Variants in ADAMTS17 observed in about 807,000 individuals in gnomAD.
ADAMTS17 encodes A disintegrin and metalloproteinase with thrombospondin motifs 17.
In ADAMTS17, 113 loss-of-function variants were observed where a neutral mutation model predicts 141.5. The observed-to-expected ratio is 0.80, with a 90% CI of 0.69 to 0.93. The LOEUF (loss-of-function observed/expected upper bound fraction) is 0.93, where lower values mean the gene tolerates loss of function less well. ADAMTS17 is among the 40% of genes least tolerant of loss of function. ADAMTS17 has a pLI of 0.00. For synonymous variants in ADAMTS17, 768 were observed against 630.6 expected, an observed-to-expected ratio of 1.22 and a Z score of -3.27; for missense variants, 1,659 against 1,517.9, an observed-to-expected ratio of 1.09 and a Z score of -1.54.
intron 8 of ADAMTS17, among the ~76,000 whole-genome samples, chr15:100,190,866 G>C (rs949264207): frequency 2.6e-5 from 4 of 152,242 alleles, no homozygotes; most frequent in African/African-American, 9.6e-5. Context: ...ACAGGGCTCA[G>C]CGCTGGCCCT....
At chr15:100,214,188 C>T (rs931592438) in intron 7 of ADAMTS17, among the ~76,000 whole-genome samples, 31 of 152,170 alleles carry the variant, frequency 2.0e-4, no homozygotes, top group Non-Finnish European at 4.4e-5. Flanking sequence ...ACCGTCTCCC[C>T]CTTCAGCCAT....
chr15:100,154,989 C>G (rs1422691001), intron 9 of ADAMTS17, among the ~76,000 whole-genome samples, 191 bp downstream of exon 9: 1 of 152,256 alleles, frequency 6.6e-6, no homozygotes, highest in African/African-American at 2.4e-5. Flanking sequence ...GCGCCCATCG[C>G]TGGAGCAGAT....
At chr15:100,083,037 T>G (rs944241395) in intron 15 of ADAMTS17, among the ~76,000 whole-genome samples, 2 of 152,228 alleles carry the variant, frequency 1.3e-5, no homozygotes, top group African/African-American at 4.8e-5. Flanking sequence ...TTTCCAAGTC[T>G]TTCTCTGGAA....
intron 7 of ADAMTS17, among the ~76,000 whole-genome samples, chr15:100,232,437 G>C (rs2042513143): frequency 1.3e-5 from 2 of 152,378 alleles, no homozygotes; most frequent in South Asian, 4.1e-4. Context: ...GCCAGACATG[G>C]AATGAACACT....
intron 18 of ADAMTS17, among the ~76,000 whole-genome samples, chr15:100,015,849 G>A (rs1024479410): frequency 3.3e-5 from 5 of 152,184 alleles, no homozygotes; most frequent in Admixed American, 1.3e-4. Context: ...GTGCCTAAGT[G>A]ATGATCTTTT....
intron 18 of ADAMTS17, among the ~76,000 whole-genome samples, chr15:100,034,325 A>T (rs1468898786): frequency 6.6e-6 from 1 of 152,234 alleles, no homozygotes; most frequent in Non-Finnish European, 1.5e-5. Flanking sequence ...CCTACCTGAC[A>T]TGCCCACGGA....
intron 18 of ADAMTS17, among the ~76,000 whole-genome samples, chr15:100,010,517 A>G (rs2573660): frequency 0.37 from 56,530 of 152,110 alleles, 15,149 homozygotes; most frequent in African/African-American, 0.75. Context: ...CTGCGAGCCT[A>G]TGGGTGAGAG....
chr15:100,165,728 T>G (rs1247964356), intron 8 of ADAMTS17, among the ~76,000 whole-genome samples: 1 of 152,158 alleles, frequency 6.6e-6, no homozygotes, highest in East Asian at 1.9e-4. Flanking sequence ...TTTAGAATGA[T>G]GCCATAATGA....
At chr15:100,335,540 G>A (rs1005759159) in intron 2 of ADAMTS17, among the ~76,000 whole-genome samples, 1 of 152,218 alleles carries the variant, frequency 6.6e-6, no homozygotes, top group African/African-American at 2.4e-5. Flanking sequence ...TTCTCTCTGA[G>A]CCTTGCTGGG....
intron 7 of ADAMTS17, among the ~76,000 whole-genome samples, chr15:100,244,539 G>A (rs542497378): frequency 1.6e-3 from 244 of 151,984 alleles, no homozygotes; most frequent in African/African-American, 5.4e-3. Context: ...TGGTGATAGC[G>A]AATAAGTCTC....
intron 3 of ADAMTS17, among the ~76,000 whole-genome samples, chr15:100,283,280 T>G (rs1030769376): frequency 2.0e-5 from 3 of 152,194 alleles, no homozygotes; most frequent in Non-Finnish European, 2.9e-5. Context: ...AAGCATCCAT[T>G]CTAACACAAA....
At chr15:100,231,546 C>T (rs1203360160) in intron 7 of ADAMTS17, among the ~76,000 whole-genome samples, 1 of 152,210 alleles carries the variant, frequency 6.6e-6, no homozygotes, top group Non-Finnish European at 1.5e-5. Context: ...TCCTTCTCCA[C>T]TGACCGCCTG....
rs1235000970 is a variant in ADAMTS17 at position 100,184,541 on chromosome 15, A to G, written c.1181+14777T>C. Among the ~76,000 whole-genome samples, 4 of 152,292 alleles carry G rather than the reference A, an allele frequency of 2.6e-5. No individual in the cohort carries two copies. In the East Asian group the frequency reaches 5.8e-4, roughly 22 times the overall value. On this transcript the variant is annotated intron_variant, in intron 8 of 21. Coordinates refer to ENST00000268070, the MANE Select transcript of ADAMTS17 (RefSeq NM_139057.4). ...GTGTCCCCATTATACAGACGAGGACACTGGGGCACATGGAGGGTAAATGAT... is the reference window on the plus strand; with the variant it reads ...GTGTCCCCATTATACAGACGAGGACGCTGGGGCACATGGAGGGTAAATGAT...
chr15:100,183,822 T>C (rs76967913), intron 8 of ADAMTS17, among the ~76,000 whole-genome samples: 5,202 of 152,276 alleles, frequency 0.034, 172 homozygotes, highest in East Asian at 0.18. Flanking sequence ...TTAATTCCAA[T>C]GACAGTTTAG....
Position 100,096,492 on chromosome 15 carries a change from G to A in ADAMTS17, c.2017-16C>T, listed in dbSNP as rs752000914. On this transcript the variant is annotated splice_polypyrimidine_tract_variant and intron_variant, in intron 14 of 21. Transcript: ENST00000268070. ...AGCCGATTTTCTAAAGAACCAGAGG[G>A]CCTCATTATTCTGTGGTTAAGACTC... is the stretch of plus-strand genomic sequence containing the variant. 8.1e-6 allele frequency: 13 copies of A among 1,613,988 alleles called. No individual in the cohort carries two copies. Among genetic ancestry groups the A allele is most frequent in the Middle Eastern group, 1.6e-4 (1 of 6,062 alleles).
chr15:100,297,149 G>C (rs994758939), intron 3 of ADAMTS17, among the ~76,000 whole-genome samples: 3 of 152,192 alleles, frequency 2.0e-5, no homozygotes, highest in Admixed American at 1.3e-4. Flanking sequence ...GAGGAGTCCA[G>C]AGAGTGGGAA....
chr15:100,003,700 A>T (rs1312456262), intron 18 of ADAMTS17, among the ~76,000 whole-genome samples: 3 of 152,120 alleles, frequency 2.0e-5, no homozygotes, highest in African/African-American at 7.3e-5. Context: ...TTTAGTTGTC[A>T]AAAAGGAGAT....
In ADAMTS17 at chr15:99,972,359, C is replaced by G. The variant is rs1348514760; in HGVS notation, c.*2043G>C. ...AATAACCCAATCAATCCTTTTCATT[C>G]TGAGGGTGTGGGGCCCTTGCCAGGG... On this transcript the variant is annotated 3_prime_UTR_variant, in exon 22 of 22. Coordinates refer to ENST00000268070, the MANE Select transcript of ADAMTS17 (RefSeq NM_139057.4). 1 of 152,160 alleles carries G rather than the reference C, an allele frequency of 6.6e-6. No individual in the cohort carries two copies. The highest frequency in any genetic ancestry group is 1.5e-5 in the Non-Finnish European group (1 of 68,028). The allele number at this position is 152,160 out of a possible 1,614,324, so 9.4% of individuals were successfully genotyped here. A position where few individuals can be genotyped will look rare whatever the true frequency, so the allele number is the denominator to read the frequency against.
intron 6 of ADAMTS17, among the ~76,000 whole-genome samples, chr15:100,260,673 A>T (rs2043486909): frequency 6.6e-6 from 1 of 152,042 alleles, no homozygotes; most frequent in Admixed American, 6.5e-5. Flanking sequence ...TTTTGTGGAG[A>T]AACAAACTGT....
Sources: allele counts gnomAD v4.1 joint callset (sites outside exome capture counted in the v4.1 genomes callset), GRCh38; gene constraint gnomAD v4.1.1; transcripts MANE v1.5; gene names NCBI Gene and HGNC (gene_info 2026-07-23, HGNC 2026-07-21).